DPP6: variants seen among roughly 807,000 people sequenced by gnomAD.
The protein encoded by DPP6 is A-type potassium channel modulatory protein DPP6.
DPP6 carries 69 observed loss-of-function variants against 122.6 expected under a neutral mutation model. The ratio of observed to expected loss-of-function variants is 0.56; its 90% confidence interval spans 0.46 to 0.69. The LOEUF (loss-of-function observed/expected upper bound fraction) is 0.69. DPP6 is among the 30% of genes least tolerant of loss of function. The probability of loss-of-function intolerance (pLI) is 0.00; values close to 1 mark genes in which losing one functional copy is unlikely to be tolerated. For synonymous variants in DPP6, 418 were observed against 433.1 expected (o/e 0.97, Z 0.43); for missense variants, 928 against 1,116.9 (o/e 0.83, Z 2.41).
At chr7:153,770,442 G>A in the DPP6 span, among the ~76,000 whole-genome samples, 64,117 of 151,794 alleles carry the variant, frequency 0.42, 13,905 homozygotes, top group South Asian at 0.53. Flanking sequence ...GAGGCCAGTG[G>A]TACACTCAAC....
chr7:154,769,075 T>C (rs527980195), intron 8 of DPP6, among the ~76,000 whole-genome samples: 36 of 152,250 alleles, frequency 2.4e-4, no homozygotes, highest in African/African-American at 8.7e-4. Flanking sequence ...TAATCAACAA[T>C]AGTACAATCA....
intron 10 of DPP6, among the ~76,000 whole-genome samples, chr7:154,778,691 TCCACCACCATCA>T (rs1341378362): frequency 7.4e-6 from 1 of 134,682 alleles, no homozygotes; most frequent in Non-Finnish European, 1.6e-5. Flanking sequence ...CACCACCAGC[TCCACCACCATCA>T]CCACCACCAC....
chr7:154,188,400 A>T (rs1585585611), intron 1 of DPP6, among the ~76,000 whole-genome samples: 1 of 152,234 alleles, frequency 6.6e-6, no homozygotes, highest in Admixed American at 6.5e-5. Context: ...CCTTATCTTA[A>T]TAAGACATAG....
At chr7:153,913,615 A>G (rs914943652) in intron 1 of DPP6, among the ~76,000 whole-genome samples, 1 of 125,226 alleles carries the variant, frequency 8.0e-6, no homozygotes, top group Non-Finnish European at 2.0e-5. Flanking sequence ...ATTTGAGGAA[A>G]TCATCACATC....
At chr7:153,916,853 G>T (rs999523392) in intron 1 of DPP6, among the ~76,000 whole-genome samples, 7 of 152,172 alleles carry the variant, frequency 4.6e-5, no homozygotes, top group South Asian at 2.1e-4. Flanking sequence ...TTTTAAAGAA[G>T]AATTTCTGGT....
At chr7:154,399,743 G>A (rs542052801) in intron 1 of DPP6, among the ~76,000 whole-genome samples, 6 of 152,164 alleles carry the variant, frequency 3.9e-5, no homozygotes, top group African/African-American at 1.2e-4. Flanking sequence ...ACGCAGGGGT[G>A]GGGGAGGGAC....
intron 1 of DPP6, among the ~76,000 whole-genome samples, chr7:153,953,892 T>G (rs1034717361): frequency 6.6e-6 from 1 of 152,230 alleles, no homozygotes; most frequent in Non-Finnish European, 1.5e-5. Context: ...GTCTGAAATC[T>G]GGAGGGCAGC....
chr7:154,623,659 A>C (rs983064898), intron 5 of DPP6, among the ~76,000 whole-genome samples: 4 of 151,840 alleles, frequency 2.6e-5, no homozygotes, highest in African/African-American at 7.3e-5. Context: ...ACACGCGCAC[A>C]CACACGCACA....
chr7:154,495,168 CT>C (rs1824621831), intron 3 of DPP6, among the ~76,000 whole-genome samples: 1 of 152,146 alleles, frequency 6.6e-6, no homozygotes, highest in African/African-American at 2.4e-5. Flanking sequence ...ATGGATTTGG[CT>C]TAAGCCTGCA....
chr7:153,963,597 G>C lies in DPP6; in HGVS notation c.51+75863G>C, dbSNP rs572815620. On this transcript the variant is annotated intron_variant, in intron 1 of 25. Transcript: ENST00000404039. ...AACAGGGCTGCACAGGAGGTGAGCA[G>C]CAGGTGAGTGAGCATGACTGCCCAA... Among the ~76,000 whole-genome samples, 3 of 136,726 alleles carry C rather than the reference G, an allele frequency of 2.2e-5. No homozygotes were observed. The South Asian group carries it at 6.2e-4, about 28-fold the overall frequency. The allele number at this position is 136,726 out of a possible 152,430, so 89.7% of individuals were successfully genotyped here.
intron 1 of DPP6, among the ~76,000 whole-genome samples, chr7:154,029,798 A>G (rs1799136942): frequency 6.6e-6 from 1 of 151,806 alleles, no homozygotes; most frequent in Admixed American, 6.6e-5. Context: ...GTGAGCTGAG[A>G]TCACGCCACT....
chr7:154,620,914 C>T (rs1358863536), intron 5 of DPP6, among the ~76,000 whole-genome samples: 1 of 152,196 alleles, frequency 6.6e-6, no homozygotes, highest in Non-Finnish European at 1.5e-5. Flanking sequence ...AAAATAGCTT[C>T]AAACTTCAAA....
At chr7:153,910,694 CTT>C (rs972945363) in intron 1 of DPP6, among the ~76,000 whole-genome samples, 1 of 152,166 alleles carries the variant, frequency 6.6e-6, no homozygotes, top group African/African-American at 2.4e-5. Context: ...GGATTTACCT[CTT>C]CCACCCCTTT....
chr7:154,127,674 C>T (rs6953038), intron 1 of DPP6, among the ~76,000 whole-genome samples: 63,232 of 146,230 alleles, frequency 0.43, 14,619 homozygotes, highest in Non-Finnish European at 0.52. Flanking sequence ...CACACACACA[C>T]ACAAAACAGC....
intron 3 of DPP6, among the ~76,000 whole-genome samples, chr7:154,480,993 C>T (rs1041686664): frequency 1.3e-5 from 2 of 152,116 alleles, no homozygotes; most frequent in African/African-American, 2.4e-5. Context: ...CTAGCCTCCA[C>T]GTGATGTTTG....
chr7:154,879,693 G>C (rs1021379553), intron 20 of DPP6, among the ~76,000 whole-genome samples: 6 of 151,804 alleles, frequency 4.0e-5, no homozygotes, highest in Middle Eastern at 6.8e-3. Context: ...CAGAGGTTGC[G>C]GTGAGCCACG....
chr7:154,511,008 G>A (rs117718726), intron 3 of DPP6, among the ~76,000 whole-genome samples: 2,008 of 151,812 alleles, frequency 0.013, 23 homozygotes, highest in South Asian at 0.025. Context: ...AGACCCTGGC[G>A]TGGAGGAGGT....
At chr7:154,837,693 A>C (rs896990422) in intron 16 of DPP6, among the ~76,000 whole-genome samples, 1 of 152,222 alleles carries the variant, frequency 6.6e-6, no homozygotes, top group Admixed American at 6.5e-5. Flanking sequence ...CTTCTGAAAG[A>C]ATGAGACTTT....
chr7:153,832,243 A>T, the DPP6 span, among the ~76,000 whole-genome samples: 2 of 152,230 alleles, frequency 1.3e-5, no homozygotes, highest in African/African-American at 2.4e-5. Context: ...CCAACCACAT[A>T]CATGTTTAAT....
Sources: gnomAD v4.1 joint callset for allele counts (sites outside exome capture counted in the v4.1 genomes callset) on GRCh38, gnomAD v4.1.1 for gene constraint, MANE v1.5 for transcripts, NCBI Gene and HGNC (gene_info 2026-07-23, HGNC 2026-07-21) for gene names.